ATP6V0A1: variants seen among roughly 807,000 people sequenced by gnomAD.
ATP6V0A1 encodes the protein V-type proton ATPase 116 kDa subunit a 1.
A neutral mutation model predicts 105.4 loss-of-function variants in ATP6V0A1; 43 were observed. The observed-to-expected ratio is 0.41, with a 90% CI of 0.32 to 0.53. The LOEUF is 0.53. Ranked by LOEUF, ATP6V0A1 falls within the 20% of genes least tolerant of loss-of-function variation. The pLI is 0.30. For synonymous variants in ATP6V0A1, 362 were observed against 372.8 expected, an observed-to-expected ratio of 0.97 and a Z score of 0.33; for missense variants, 676 against 1,051.1, an observed-to-expected ratio of 0.64 and a Z score of 4.93.
intron 21 of ATP6V0A1, 66 bp downstream of exon 21, chr17:42,514,526 C>T: frequency 6.9e-7 from 1 of 1,452,532 alleles, no homozygotes; most frequent in Non-Finnish European, 9.2e-7. Flanking sequence ...GAGAGGGCAG[C>T]TTTTCTCCCA....
intron 2 of ATP6V0A1, among the ~76,000 whole-genome samples, chr17:42,462,367 G>C (rs1042451813): frequency 2.6e-5 from 4 of 151,940 alleles, no homozygotes; most frequent in Admixed American, 1.3e-4. Flanking sequence ...GAGGTAACCC[G>C]TACAGTGATT....
chr17:42,493,981 C>T (rs111923187), intron 11 of ATP6V0A1, among the ~76,000 whole-genome samples: 33 of 152,202 alleles, frequency 2.2e-4, no homozygotes, highest in East Asian at 5.8e-4. Flanking sequence ...CGGTGGCTCA[C>T]GCCTGTAATG....
rs945441725 is a variant in ATP6V0A1 at position 42,513,991 on chromosome 17, C to T, written c.2248+13C>T. Reference sequence around the variant, plus strand: ...CTCGCTCATGCGCGTGAGTACCTCTCTCCGGGCTCCGGAACTCTAGTTTCC... The same window carrying T: ...CTCGCTCATGCGCGTGAGTACCTCTTTCCGGGCTCCGGAACTCTAGTTTCC... On this transcript the variant is annotated intron_variant, in intron 20 of 21. Coordinates refer to ENST00000343619, the MANE Select transcript of ATP6V0A1 (RefSeq NM_001130021.3). 8 of 1,608,040 alleles carry T rather than the reference C, an allele frequency of 5.0e-6. No homozygotes were observed. The African/African-American group carries it at 6.7e-5, about 13-fold the overall frequency.
intron 21 of ATP6V0A1, among the ~76,000 whole-genome samples, chr17:42,517,660 C>T (rs542304853): frequency 2.6e-5 from 4 of 152,158 alleles, no homozygotes; most frequent in Non-Finnish European, 5.9e-5. Flanking sequence ...TGCGGCTGTG[C>T]GTCCAGGATG....
chr17:42,496,949 G>A (rs1481294789), intron 14 of ATP6V0A1, among the ~76,000 whole-genome samples: 1 of 152,066 alleles, frequency 6.6e-6, no homozygotes, highest in Non-Finnish European at 1.5e-5. Context: ...TGTAATGAAT[G>A]AAAAAGGAAA....
At chr17:42,488,788 T>G (rs1025751308) in intron 10 of ATP6V0A1, among the ~76,000 whole-genome samples, 25 of 151,700 alleles carry the variant, frequency 1.6e-4, no homozygotes, top group Non-Finnish European at 3.4e-4. Context: ...TTGAGGCGGG[T>G]CATCACTTGA....
chr17:42,484,638 G>C (rs2089919202), intron 9 of ATP6V0A1, among the ~76,000 whole-genome samples: 1 of 152,074 alleles, frequency 6.6e-6, no homozygotes, highest in Non-Finnish European at 1.5e-5. Flanking sequence ...GGTTATCACA[G>C]GGCTCTGAGG....
At chr17:42,520,633 C>T (rs1010739928) in intron 21 of ATP6V0A1, 11 of 458,902 alleles carry the variant, frequency 2.4e-5, no homozygotes, top group Non-Finnish European at 3.9e-5. Flanking sequence ...GGTGCTTGCC[C>T]AGTGTCTCTG....
chr17:42,477,885 C>A, intron 6 of ATP6V0A1, 143 bp downstream of exon 6: 1 of 681,130 alleles, frequency 1.5e-6, no homozygotes, highest in Non-Finnish European at 2.4e-6. Context: ...ACTCTGGATT[C>A]ATGCCTGAGT....
chr17:42,484,412 A>T (rs1339499353), intron 9 of ATP6V0A1, among the ~76,000 whole-genome samples: 1 of 152,120 alleles, frequency 6.6e-6, no homozygotes, highest in East Asian at 1.9e-4. Flanking sequence ...ACAAATATAT[A>T]TCAAACAATC....
At chr17:42,477,532 GGTTT>G in intron 5 of ATP6V0A1, 124 bp from the exon 6 acceptor site, 1 of 832,812 alleles carries the variant, frequency 1.2e-6, no homozygotes, top group Non-Finnish European at 1.8e-6. Flanking sequence ...GTCTTTTCGT[GGTTT>G]GTTTTCTTTT....
At chr17:42,505,026 G>C (rs573763170) in intron 17 of ATP6V0A1, among the ~76,000 whole-genome samples, 3 of 151,170 alleles carry the variant, frequency 2.0e-5, no homozygotes, top group African/African-American at 4.9e-5. Flanking sequence ...TTGTTTCATA[G>C]TGATAATCAC....
chr17:42,511,560 A>G (rs2092346863), intron 19 of ATP6V0A1: 1 of 152,212 alleles, frequency 6.6e-6, no homozygotes, highest in South Asian at 2.1e-4. Flanking sequence ...ACTAAAAAGA[A>G]CTGTCCAGAG....
At chr17:42,464,033 G>C (rs2086745072) in intron 2 of ATP6V0A1, among the ~76,000 whole-genome samples, 2 of 152,178 alleles carry the variant, frequency 1.3e-5, no homozygotes, top group Non-Finnish European at 2.9e-5. Context: ...ACTGTCTCAG[G>C]CTGGCCGAGG....
chr17:42,466,602 T>C (rs2087098000), intron 3 of ATP6V0A1, 95 bp downstream of exon 3: 10 of 1,118,598 alleles, frequency 8.9e-6, no homozygotes, highest in Admixed American at 8.7e-5. Context: ...GAAAATGTTA[T>C]AAGAGAAAAG....
At position 42,521,259 on chromosome 17, in the gene ATP6V0A1, A is replaced by G; in HGVS notation, c.*139A>G. ...CCCTGTCTGTGAGTCATTTAGATAG[A>G]ATAGTCCTCCTTGGGTCTCCCACCA... On this transcript the variant is annotated 3_prime_UTR_variant, in exon 22 of 22. Transcript: ENST00000343619. The surrounding 1 kb of genome is among the most constrained non-coding windows in gnomAD (Gnocchi z 4.8). 8 of 690,602 alleles carry G rather than the reference A, an allele frequency of 1.2e-5. No homozygotes were observed. Among genetic ancestry groups the G allele is most frequent in the Non-Finnish European group, 1.4e-5 (6 of 435,210 alleles). The allele number at this position is 690,602 out of a possible 1,614,324, so 42.8% of individuals were successfully genotyped here. A position where few individuals can be genotyped will look rare whatever the true frequency, so the allele number is the denominator to read the frequency against.
chr17:42,510,986 C>T (rs1337656412), intron 19 of ATP6V0A1: 2 of 152,074 alleles, frequency 1.3e-5, no homozygotes, highest in African/African-American at 4.8e-5. Flanking sequence ...CTCCCAGACT[C>T]TCCAGTCTGC....
chr17:42,483,097 C>T lies in ATP6V0A1; in HGVS notation c.776C>T (p.Ser259Phe). 6.4e-7 allele frequency: 1 copy of T among 1,560,650 alleles called. No homozygotes were observed. Among genetic ancestry groups the T allele is most frequent in the South Asian group, 1.2e-5 (1 of 81,856 alleles). ...CCACAGGAGAGGAAGGAAATGGCTT[C>T]TGGAGTGAATACCAGGATTGATGAT... ...ETPQERKEMA[S>F]GVNTRIDDLQ... Residue 259 changes from serine (S) to phenylalanine (F), a missense_variant, in exon 9 of 22, where the codon TCT becomes TTT. Coordinates refer to ENST00000343619, the MANE Select transcript of ATP6V0A1 (RefSeq NM_001130021.3).
chr17:42,508,616 G>C (rs758514727), intron 19 of ATP6V0A1, 27 bp downstream of exon 19: 10 of 1,613,734 alleles, frequency 6.2e-6, no homozygotes, highest in Non-Finnish European at 8.5e-6. Context: ...CGTTGCCTTC[G>C]TGTTTATCCG....
Sources: gnomAD v4.1 joint callset for allele counts (sites outside exome capture counted in the v4.1 genomes callset) on GRCh38, gnomAD v4.1.1 for gene constraint, Gnocchi (gnomAD v3.1) non-coding constraint, MANE v1.5 for transcripts, NCBI Gene and HGNC (gene_info 2026-07-23, HGNC 2026-07-21) for gene names.